SEMA3C: variants seen among roughly 807,000 people sequenced by gnomAD.
SEMA3C encodes semaphorin-3C.
SEMA3C carries 47 observed loss-of-function variants against 89.4 expected under a neutral mutation model. The ratio of observed to expected loss-of-function variants is 0.53; its 90% CI spans 0.42 to 0.67. The LOEUF (loss-of-function observed/expected upper bound fraction) is 0.67, where lower values mean the gene tolerates loss of function less well. Ranked by LOEUF, SEMA3C falls within the 30% of genes least tolerant of loss-of-function variation. The pLI, the probability that SEMA3C is intolerant of heterozygous loss-of-function variation, is 0.00. For synonymous variants in SEMA3C, 310 were observed against 320.2 expected, an observed-to-expected ratio of 0.97 and a Z score of 0.34; for missense variants, 839 against 929.1, an observed-to-expected ratio of 0.90 and a Z score of 1.26.
intron 15 of SEMA3C, among the ~76,000 whole-genome samples, chr7:80,755,523 G>A (rs1788046122): frequency 1.3e-5 from 2 of 151,288 alleles, no homozygotes; most frequent in Admixed American, 1.3e-4. Flanking sequence ...ATAATAACTG[G>A]TATACCTATA....
At chr7:80,881,175 A>G (rs951621413) in intron 2 of SEMA3C, among the ~76,000 whole-genome samples, 10 of 146,326 alleles carry the variant, frequency 6.8e-5, no homozygotes, top group South Asian at 2.1e-4. Flanking sequence ...ACACACACAC[A>G]CACACACACA....
rs867396139 is a variant in SEMA3C, at chr7:80,754,275, G to A, written c.1644-2939C>T. Among the ~76,000 whole-genome samples, 50 of 152,234 alleles carry A rather than the reference G, an allele frequency of 3.3e-4. No homozygotes were observed. The Middle Eastern group carries it at 0.01, about 31-fold the overall frequency. ...TTTTTTTAAAAACGGAGACTATTGA[G>A]CCAATGATATTTACCAACTTCATTA... On this transcript the variant is annotated intron_variant, in intron 15 of 17. Coordinates refer to ENST00000265361, the MANE Select transcript of SEMA3C (RefSeq NM_006379.5).
At chr7:80,747,866 T>A (rs1476514766) in intron 17 of SEMA3C, among the ~76,000 whole-genome samples, 2 of 152,112 alleles carry the variant, frequency 1.3e-5, no homozygotes, top group Non-Finnish European at 2.9e-5. Flanking sequence ...ATTCCAGTAA[T>A]GAGGGACACA....
chr7:80,874,484 G>T (rs200267309), intron 2 of SEMA3C, among the ~76,000 whole-genome samples: 1 of 47,504 alleles, frequency 2.1e-5, no homozygotes, highest in Non-Finnish European at 4.7e-5. Flanking sequence ...ATTTATTTAT[G>T]AGACGGAGTT....
intron 2 of SEMA3C, among the ~76,000 whole-genome samples, chr7:80,846,703 A>G (rs1790399468): frequency 2.0e-5 from 3 of 152,328 alleles, no homozygotes; most frequent in Middle Eastern, 3.4e-3. Flanking sequence ...CCTGTGAGAA[A>G]TGACGAAAAT....
At chr7:80,838,417 G>A (rs1318723887) in intron 2 of SEMA3C, among the ~76,000 whole-genome samples, 1 of 152,158 alleles carries the variant, frequency 6.6e-6, no homozygotes, top group Non-Finnish European at 1.5e-5. Context: ...TGGGATATCT[G>A]TAAAGCTAAT....
chr7:80,806,295 T>G (rs568000262), intron 6 of SEMA3C, among the ~76,000 whole-genome samples: 1 of 152,246 alleles, frequency 6.6e-6, no homozygotes, highest in African/African-American at 2.4e-5. Context: ...TAACACATAT[T>G]AAAATTTCTA....
rs1180655403 is a variant in SEMA3C, at chr7:80,802,909, A to G, written c.802-130T>C. ...ATGGATATGTTAACCACTTCTGCAC[A>G]TCAGTTGTCAAAGAGGAATATTTAT... On this transcript the variant is annotated intron_variant, in intron 8 of 17. Coordinates refer to ENST00000265361, the MANE Select transcript of SEMA3C (RefSeq NM_006379.5). 1.1e-5 allele frequency: 6 copies of G among 550,562 alleles called. No homozygotes were observed. In the East Asian group the frequency reaches 1.7e-4, roughly 16 times the overall value. The allele number at this position is 550,562 out of a possible 1,614,324, so 34.1% of individuals were successfully genotyped here. A position where few individuals can be genotyped will look rare whatever the true frequency, so the allele number is the denominator to read the frequency against.
chr7:80,831,263 C>T (rs1424321900), intron 2 of SEMA3C, among the ~76,000 whole-genome samples: 1 of 152,176 alleles, frequency 6.6e-6, no homozygotes, highest in African/African-American at 2.4e-5. Context: ...ATGTACTTGG[C>T]AAGGGCCTTT....
intron 5 of SEMA3C, among the ~76,000 whole-genome samples, chr7:80,814,390 G>A (rs1212378427): frequency 3.3e-5 from 5 of 151,954 alleles, no homozygotes; most frequent in Non-Finnish European, 7.4e-5. Context: ...GCCCAGCCCT[G>A]CCTGTTCTTT....
intron 7 of SEMA3C, among the ~76,000 whole-genome samples, chr7:80,805,320 A>T (rs1789312222): frequency 6.6e-6 from 1 of 152,134 alleles, no homozygotes; most frequent in Non-Finnish European, 1.5e-5. Context: ...AGCATATTTA[A>T]TTGCAATATG....
intron 2 of SEMA3C, among the ~76,000 whole-genome samples, chr7:80,891,608 G>A (rs1297009769): frequency 1.3e-5 from 2 of 151,636 alleles, no homozygotes; most frequent in African/African-American, 2.4e-5. Flanking sequence ...TTAAAAACAT[G>A]GGAAATATCA....
In SEMA3C at chr7:80,829,054, A is replaced by G. The variant is rs1407135501; in HGVS notation, c.104-309T>C. On this transcript the variant is annotated intron_variant, in intron 2 of 17. Coordinates refer to ENST00000265361, the MANE Select transcript of SEMA3C (RefSeq NM_006379.5). Reference sequence around the variant, plus strand: ...TGGTGGTATGTGTCTTTAGTCCCAGATACTTTGGAGGCTGAGGTGGGAGGA... The same window carrying G: ...TGGTGGTATGTGTCTTTAGTCCCAGGTACTTTGGAGGCTGAGGTGGGAGGA... 2.0e-5 allele frequency among the ~76,000 whole-genome samples: 3 copies of G among 151,956 alleles called. No homozygotes were observed. The East Asian group carries it at 5.8e-4, about 29-fold the overall frequency.
chr7:80,762,406 C>A (rs1788205918), intron 13 of SEMA3C, among the ~76,000 whole-genome samples: 1 of 152,186 alleles, frequency 6.6e-6, no homozygotes, highest in Non-Finnish European at 1.5e-5. Flanking sequence ...AGAAAAGGTT[C>A]TCTTTTGATA....
chr7:80,901,828 C>A (rs1047387992), intron 2 of SEMA3C, among the ~76,000 whole-genome samples: 3 of 152,146 alleles, frequency 2.0e-5, no homozygotes, highest in African/African-American at 7.2e-5. Flanking sequence ...TAAATTTATA[C>A]CTCCCACAAA....
At position 80,804,961 on chromosome 7, in the gene SEMA3C, G is replaced by A. The variant is rs546669159; in HGVS notation, c.658+678C>T. Among the ~76,000 whole-genome samples, 79 of 152,066 alleles carry A rather than the reference G, an allele frequency of 5.2e-4. 1 individual carries two copies. Among genetic ancestry groups the A allele is most frequent in the South Asian group, 3.7e-3 (18 of 4,818 alleles). On this transcript the variant is annotated intron_variant, in intron 7 of 17. Coordinates refer to ENST00000265361, the MANE Select transcript of SEMA3C (RefSeq NM_006379.5). ...CCAGGGTGAAATGACAAGAATCTTC[G>A]TTTTTTGTTTTTGTTTTTGTTTTTT...
intron 2 of SEMA3C, among the ~76,000 whole-genome samples, chr7:80,885,021 T>C (rs1000372424): frequency 6.6e-6 from 1 of 152,206 alleles, no homozygotes; most frequent in Non-Finnish European, 1.5e-5. Context: ...GAATTCATTC[T>C]TTTTATGAAA....
chr7:80,866,835 T>C (rs1790937552), intron 2 of SEMA3C, among the ~76,000 whole-genome samples: 1 of 152,316 alleles, frequency 6.6e-6, no homozygotes, highest in East Asian at 1.9e-4. Flanking sequence ...AAATTAAGAA[T>C]ATAAGCTTCC....
rs542472889 is a variant in SEMA3C, at chr7:80,832,772, C to A, written c.104-4027G>T. Among the ~76,000 whole-genome samples, 189 of 152,232 alleles carry A rather than the reference C, an allele frequency of 1.2e-3. 1 individual carries two copies. In the Middle Eastern group the frequency reaches 0.041, roughly 33 times the overall value. ...GATCTTTTAAGAAATCATTGAGTTA[C>A]TGAATTAACCGGAACTCCATTATTA... On this transcript the variant is annotated intron_variant, in intron 2 of 17. Coordinates refer to ENST00000265361, the MANE Select transcript of SEMA3C (RefSeq NM_006379.5).
Sources: gnomAD v4.1 joint callset for allele counts (sites outside exome capture counted in the v4.1 genomes callset) on GRCh38, gnomAD v4.1.1 for gene constraint, MANE v1.5 for transcripts, NCBI Gene and HGNC (gene_info 2026-07-23, HGNC 2026-07-21) for gene names.